GABRA2: variants seen among roughly 807,000 people sequenced by gnomAD.
GABRA2 encodes the protein gamma-aminobutyric acid type A receptor subunit alpha2.
GABRA2 carries 16 observed loss-of-function variants against 48.7 expected under a neutral mutation model. The ratio of observed to expected loss-of-function variants is 0.33; its 90% CI spans 0.22 to 0.50. The LOEUF (loss-of-function observed/expected upper bound fraction) is 0.50, where lower values mean the gene tolerates loss of function less well. Among genes scored for constraint, GABRA2 ranks in the 20% least tolerant of loss-of-function variants. The probability of loss-of-function intolerance (pLI) is 0.98; values close to 1 mark genes in which losing one functional copy is unlikely to be tolerated. For missense variants in GABRA2, 275 were observed against 535.6 expected (o/e 0.51, Z 4.80); for synonymous variants, 185 against 184.5 (o/e 1.00, Z -0.02).
rs367698163 is a variant in GABRA2, at chr4:46,350,927, TA to T, written c.188-18246del. Among the ~76,000 whole-genome samples, 11 of 151,684 alleles carry T rather than the reference TA, an allele frequency of 7.3e-5. No individual in the cohort carries two copies. The South Asian group carries it at 1.9e-3, about 26-fold the overall frequency. On this transcript the variant is annotated intron_variant, in intron 3 of 9. Coordinates refer to ENST00000381620, the MANE Select transcript of GABRA2 (RefSeq NM_000807.4). ...AAGGTGTGGTGTAGGAGGTAAGAGATAGGGGGAGGGGAGGCACATGATTCTG... is the reference window on the plus strand; with the variant it reads ...AAGGTGTGGTGTAGGAGGTAAGAGATGGGGGAGGGGAGGCACATGATTCTG...
intron 3 of GABRA2, among the ~76,000 whole-genome samples, chr4:46,371,020 A>G (rs1470352664): frequency 6.6e-6 from 1 of 152,144 alleles, no homozygotes; most frequent in Non-Finnish European, 1.5e-5. Context: ...CAGAGATGAC[A>G]CTAGTCCAAG....
At chr4:46,372,301 T>G (rs905549008) in intron 3 of GABRA2, among the ~76,000 whole-genome samples, 1 of 152,112 alleles carries the variant, frequency 6.6e-6, no homozygotes, top group Non-Finnish European at 1.5e-5. Context: ...CAGAGAACTA[T>G]GAAGGTAAAG....
At chr4:46,359,466 C>T (rs963351771) in intron 3 of GABRA2, among the ~76,000 whole-genome samples, 4 of 152,040 alleles carry the variant, frequency 2.6e-5, no homozygotes, top group Admixed American at 2.0e-4. Flanking sequence ...GGACAAGTAC[C>T]ATATCTTTCT....
intron 3 of GABRA2, among the ~76,000 whole-genome samples, chr4:46,356,122 CT>C (rs542411330): frequency 2.6e-4 from 40 of 152,158 alleles, no homozygotes; most frequent in Non-Finnish European, 5.3e-4. Flanking sequence ...TTAATCTTCA[CT>C]CCTTAAACTC....
intron 4 of GABRA2, 71 bp downstream of exon 4, chr4:46,332,544 G>C: frequency 2.4e-6 from 2 of 849,702 alleles, no homozygotes; most frequent in African/African-American, 1.7e-5. Flanking sequence ...CACTAAAAAT[G>C]CTAGTTTATT....
chr4:46,297,463 C>T (rs1315920327), intron 8 of GABRA2, among the ~76,000 whole-genome samples: 1 of 91,070 alleles, frequency 1.1e-5, no homozygotes, highest in Non-Finnish European at 2.1e-5. Context: ...GTTAATACTA[C>T]TTAATAAAAT....
At chr4:46,323,073 T>G (rs1578046957) in intron 4 of GABRA2, among the ~76,000 whole-genome samples, 1 of 151,894 alleles carries the variant, frequency 6.6e-6, no homozygotes, top group Non-Finnish European at 1.5e-5. Context: ...GTATAATAAT[T>G]ATATTTTAAA....
chr4:46,370,185 T>C (rs976251064), intron 3 of GABRA2, among the ~76,000 whole-genome samples: 1 of 150,610 alleles, frequency 6.6e-6, no homozygotes, highest in Non-Finnish European at 1.5e-5. Context: ...TAAGCAAAGC[T>C]GAAAAAAAAA....
intron 3 of GABRA2, among the ~76,000 whole-genome samples, chr4:46,347,848 G>A (rs1396818795): frequency 2.0e-5 from 3 of 151,766 alleles, no homozygotes; most frequent in African/African-American, 7.2e-5. Flanking sequence ...TCATAAGTCA[G>A]GTAAGAAGCT....
chr4:46,302,618 A>AAT (rs1322460648), intron 8 of GABRA2: 2 of 152,178 alleles, frequency 1.3e-5, no homozygotes, highest in East Asian at 3.9e-4. Context: ...AAAGCCTAGA[A>AAT]ATATGGTAGT....
In GABRA2 at chr4:46,381,726, G is replaced by A. The variant is rs142845012; in HGVS notation, c.187+4348C>T. On this transcript the variant is annotated intron_variant, in intron 3 of 9. Coordinates refer to ENST00000381620, the MANE Select transcript of GABRA2 (RefSeq NM_000807.4). ...AGATGAGTAAATTAAGTCATAGATG[G>A]GATAAATGAATCACTCAAATCACAC... Among the ~76,000 whole-genome samples, 20 of 152,180 alleles carry A rather than the reference G, an allele frequency of 1.3e-4. No individual in the cohort carries two copies. The East Asian group carries it at 3.7e-3, about 28-fold the overall frequency.
chr4:46,345,715 C>T (rs902240387), intron 3 of GABRA2, among the ~76,000 whole-genome samples: 1 of 151,784 alleles, frequency 6.6e-6, no homozygotes, highest in Non-Finnish European at 1.5e-5. Flanking sequence ...CTACCATTTC[C>T]CAAATAAATC....
At chr4:46,301,776 G>T (rs1577970179) in intron 8 of GABRA2, among the ~76,000 whole-genome samples, 1 of 152,050 alleles carries the variant, frequency 6.6e-6, no homozygotes, top group Non-Finnish European at 1.5e-5. Context: ...GTTATATGGT[G>T]CCATCCCCTA....
At chr4:46,324,486 A>G (rs1335120090) in intron 4 of GABRA2, among the ~76,000 whole-genome samples, 1 of 152,042 alleles carries the variant, frequency 6.6e-6, no homozygotes, top group Non-Finnish European at 1.5e-5. Context: ...AACCTAGGAA[A>G]AAAACATGCA....
chr4:46,264,447 AT>A (rs1380707519), intron 8 of GABRA2, among the ~76,000 whole-genome samples: 2 of 151,266 alleles, frequency 1.3e-5, no homozygotes, highest in Non-Finnish European at 1.5e-5. Context: ...GATTGTTTGC[AT>A]TTTTTTTCAC....
intron 8 of GABRA2, among the ~76,000 whole-genome samples, chr4:46,289,335 T>A (rs1723144506): frequency 6.6e-6 from 1 of 152,192 alleles, no homozygotes; most frequent in South Asian, 2.1e-4. Flanking sequence ...TAAGAAAATG[T>A]GGTAAATATA....
chr4:46,321,648 T>C (rs1729470093), intron 4 of GABRA2, among the ~76,000 whole-genome samples: 1 of 152,060 alleles, frequency 6.6e-6, no homozygotes, highest in African/African-American at 2.4e-5. Flanking sequence ...ATCAGTTGAC[T>C]TATCTGTAAA....
chr4:46,295,097 C>G (rs1369495931), intron 8 of GABRA2, among the ~76,000 whole-genome samples: 1 of 152,170 alleles, frequency 6.6e-6, no homozygotes, highest in Non-Finnish European at 1.5e-5. Context: ...AGGCCTGGTT[C>G]ACAGATGGTT....
At chr4:46,333,711 C>T (rs914374711) in intron 3 of GABRA2, among the ~76,000 whole-genome samples, 12 of 152,022 alleles carry the variant, frequency 7.9e-5, no homozygotes, top group Admixed American at 2.6e-4. Flanking sequence ...CTTTAAAGCA[C>T]CTGAAATATT....
Sources: gnomAD v4.1 joint callset for allele counts (sites outside exome capture counted in the v4.1 genomes callset) on GRCh38, gnomAD v4.1.1 for gene constraint, MANE v1.5 for transcripts, NCBI Gene and HGNC (gene_info 2026-07-23, HGNC 2026-07-21) for gene names.